Variants in ST18 observed in about 807,000 individuals in gnomAD.
ST18 encodes the protein suppression of tumorigenicity 18 protein.
A neutral mutation model predicts 110.0 loss-of-function variants in ST18; 50 were observed. The observed-to-expected ratio is 0.45, with a 90% confidence interval of 0.36 to 0.58. The LOEUF is 0.58. Among genes scored for constraint, ST18 ranks in the 20% least tolerant of loss-of-function variants. ST18 has a pLI of 0.00. For missense variants in ST18, 1,306 were observed against 1,280.1 expected (o/e 1.02, Z -0.31); for synonymous variants, 461 against 452.4 (o/e 1.02, Z -0.24).
At chr8:52,321,686 T>C (rs1803992595) in intron 2 of ST18, among the ~76,000 whole-genome samples, 1 of 152,234 alleles carries the variant, frequency 6.6e-6, no homozygotes, top group Non-Finnish European at 1.5e-5. Flanking sequence ...AGGTCATTTA[T>C]GAATTTCACA....
intron 17 of ST18, among the ~76,000 whole-genome samples, chr8:52,140,564 GATAGATA>G (rs1298643600): frequency 6.6e-6 from 1 of 150,466 alleles, no homozygotes; most frequent in East Asian, 1.9e-4. Context: ...TAGATAGATA[GATAGATA>G]GATAGATAGA....
chr8:52,143,808 T>A (rs912492046), intron 16 of ST18, among the ~76,000 whole-genome samples: 2 of 152,180 alleles, frequency 1.3e-5, no homozygotes, highest in Admixed American at 1.3e-4. Flanking sequence ...AAAGGGGGAA[T>A]TTTTGGTTAA....
intron 2 of ST18, among the ~76,000 whole-genome samples, chr8:52,360,260 T>TA (rs1210124540): frequency 6.6e-6 from 1 of 152,072 alleles, no homozygotes; most frequent in Non-Finnish European, 1.5e-5. Flanking sequence ...AAAAATAATT[T>TA]AAAATGCATG....
intron 2 of ST18, among the ~76,000 whole-genome samples, chr8:52,338,533 C>T (rs1408085659): frequency 6.6e-6 from 1 of 152,104 alleles, no homozygotes; most frequent in Admixed American, 6.5e-5. Context: ...AGGTGATCCT[C>T]CCACCTCAGC....
chr8:52,388,289 T>C (rs1031882954), intron 2 of ST18, among the ~76,000 whole-genome samples: 3 of 152,004 alleles, frequency 2.0e-5, no homozygotes, highest in African/African-American at 4.8e-5. Context: ...CTTGAATTCC[T>C]ACGGGCTCTC....
At chr8:52,261,771 G>A (rs2094700344) in intron 2 of ST18, among the ~76,000 whole-genome samples, 1 of 151,972 alleles carries the variant, frequency 6.6e-6, no homozygotes, top group African/African-American at 2.4e-5. Flanking sequence ...CCATTATCTG[G>A]GCTTTTAACA....
At chr8:52,360,859 A>C (rs1825417622) in intron 2 of ST18, among the ~76,000 whole-genome samples, 1 of 152,174 alleles carries the variant, frequency 6.6e-6, no homozygotes, top group Non-Finnish European at 1.5e-5. Context: ...ATGTTTTGCC[A>C]GCACAGAACA....
chr8:52,113,889 T>A (rs1178259579), intron 25 of ST18, among the ~76,000 whole-genome samples: 6 of 149,142 alleles, frequency 4.0e-5, no homozygotes, highest in African/African-American at 1.5e-4. Flanking sequence ...AATATACTTT[T>A]AAAAATTTCT....
At chr8:52,273,164 A>G (rs2095131973) in intron 2 of ST18, among the ~76,000 whole-genome samples, 1 of 152,230 alleles carries the variant, frequency 6.6e-6, no homozygotes, top group African/African-American at 2.4e-5. Flanking sequence ...CATCACATCC[A>G]TATCTATGTT....
chr8:52,178,697 C>T (rs933162517), intron 9 of ST18, among the ~76,000 whole-genome samples: 11 of 110,588 alleles, frequency 9.9e-5, no homozygotes, highest in African/African-American at 3.7e-4. Context: ...ACAACAACAA[C>T]AACAAAACAA....
intron 2 of ST18, among the ~76,000 whole-genome samples, chr8:52,353,935 G>A (rs1821518069): frequency 6.6e-6 from 1 of 152,248 alleles, no homozygotes; most frequent in African/African-American, 2.4e-5. Context: ...AAGTCCAGAA[G>A]ATGCCTCTCT....
chr8:52,382,283 C>A (rs1410032726), intron 2 of ST18, among the ~76,000 whole-genome samples: 2 of 152,082 alleles, frequency 1.3e-5, no homozygotes, highest in Non-Finnish European at 2.9e-5. Context: ...GGGCTAGAGG[C>A]ATGTTTGGAT....
At chr8:52,195,246 G>A (rs2075831892) in intron 8 of ST18, among the ~76,000 whole-genome samples, 1 of 152,176 alleles carries the variant, frequency 6.6e-6, no homozygotes. Flanking sequence ...TGAACATTAT[G>A]TGGATTTTAG....
intron 10 of ST18, among the ~76,000 whole-genome samples, chr8:52,168,884 C>T (rs1170050707): frequency 6.6e-6 from 1 of 152,158 alleles, no homozygotes; most frequent in Non-Finnish European, 1.5e-5. Flanking sequence ...CTGAGGGGAG[C>T]TGACACCATA....
chr8:52,407,383 T>C (rs1179132332), intron 2 of ST18: 2 of 152,244 alleles, frequency 1.3e-5, no homozygotes, highest in East Asian at 3.8e-4. Flanking sequence ...TTCCTTAAGC[T>C]GCATTTTGCT....
chr8:52,355,882 T>A (rs889869205), intron 2 of ST18, among the ~76,000 whole-genome samples: 1 of 152,202 alleles, frequency 6.6e-6, no homozygotes, highest in Non-Finnish European at 1.5e-5. Context: ...TCATTTCATC[T>A]GACTTGAAGC....
At chr8:52,345,698 G>A (rs1564541425) in intron 2 of ST18, among the ~76,000 whole-genome samples, 1 of 152,208 alleles carries the variant, frequency 6.6e-6, no homozygotes, top group Non-Finnish European at 1.5e-5. Context: ...GTCATTAAGT[G>A]TCTGGGAAGC....
At chr8:52,278,288 G>T (rs1245580373) in intron 2 of ST18, among the ~76,000 whole-genome samples, 1 of 152,204 alleles carries the variant, frequency 6.6e-6, no homozygotes, top group African/African-American at 2.4e-5. Flanking sequence ...GATTCCATTT[G>T]CTGGGCAATA....
intron 2 of ST18, among the ~76,000 whole-genome samples, chr8:52,256,205 T>C (rs529454089): frequency 6.6e-6 from 1 of 152,382 alleles, no homozygotes; most frequent in Admixed American, 6.5e-5. Flanking sequence ...CAGATTCACT[T>C]TCCTTCCTAG....
Sources: gnomAD v4.1 joint callset for allele counts (sites outside exome capture counted in the v4.1 genomes callset) on GRCh38, gnomAD v4.1.1 for gene constraint, MANE v1.5 for transcripts, NCBI Gene and HGNC (gene_info 2026-07-23, HGNC 2026-07-21) for gene names.